The following SHANK2 variants were observed in gnomAD, a reference collection of about 807,000 sequenced individuals.
The protein encoded by SHANK2 is SH3 and multiple ankyrin repeat domains protein 2.
In SHANK2, 43 loss-of-function variants were observed where a neutral mutation model predicts 133.7. The ratio of observed to expected loss-of-function variants is 0.32; its 90% CI spans 0.25 to 0.41. SHANK2 has a LOEUF of 0.41. Among genes scored for constraint, SHANK2 ranks in the 10% least tolerant of loss-of-function variants. The pLI is 1.00. For synonymous variants in SHANK2, 1,017 were observed against 952.8 expected (o/e 1.07, Z -1.24); for missense variants, 1,994 against 2,235.8 (o/e 0.89, Z 2.18).
intron 2 of SHANK2, among the ~76,000 whole-genome samples, chr11:71,211,642 CAAAAAA>C (rs35529960): frequency 3.4e-5 from 4 of 117,986 alleles, no homozygotes; most frequent in South Asian, 2.7e-4. Context: ...TGAGCATTTG[CAAAAAA>C]AAAAAAAAAA....
At chr11:70,843,782 C>T (rs1035505559) in intron 11 of SHANK2, among the ~76,000 whole-genome samples, 5 of 152,052 alleles carry the variant, frequency 3.3e-5, no homozygotes, top group Non-Finnish European at 5.9e-5. Context: ...AGGGCTCAAC[C>T]GATTCTTAGA....
intron 15 of SHANK2, among the ~76,000 whole-genome samples, chr11:70,683,806 CAG>C (rs1555018922): frequency 3.3e-5 from 5 of 150,158 alleles, no homozygotes; most frequent in Admixed American, 2.6e-4. Context: ...TTTTTTCAGA[CAG>C]AGTCTCCCTC....
chr11:70,527,891 C>G lies in SHANK2; in HGVS notation c.2062-24960G>C, dbSNP rs116593292. Among the ~76,000 whole-genome samples the G allele has an allele frequency of 9.9e-3, 1,503 of 152,362 alleles. 24 individuals carry two copies. The highest frequency in any genetic ancestry group is 0.033 in the African/African-American group (1,385 of 41,586). ...CCAGGCAGCCAGACTCCCGCCCATG[C>G]TCCTTCACCGGGCGACCCAGACCTT... On this transcript the variant is annotated intron_variant, in intron 17 of 25. Coordinates refer to ENST00000601538, the MANE Select transcript of SHANK2 (RefSeq NM_012309.5).
intron 9 of SHANK2, among the ~76,000 whole-genome samples, chr11:71,065,253 C>T (rs1282032967): frequency 1.3e-5 from 2 of 150,588 alleles, no homozygotes; most frequent in Admixed American, 6.6e-5. Context: ...GGTCTGTGTG[C>T]AGAACTCTTC....
chr11:71,078,034 A>G lies in SHANK2; in HGVS notation c.913-2759T>C, dbSNP rs944699993. Among the ~76,000 whole-genome samples the G allele has an allele frequency of 4.8e-3, 735 of 152,202 alleles. 6 individuals carry two copies. Among genetic ancestry groups the G allele is most frequent in the Non-Finnish European group, 5.6e-3 (381 of 68,000 alleles). Reference sequence around the variant, plus strand: ...CAGCCCAGCAGCCATCAGCACCCCAAGCACCTGCACCTTGGCTTCTAAATA... The same window carrying G: ...CAGCCCAGCAGCCATCAGCACCCCAGGCACCTGCACCTTGGCTTCTAAATA... On this transcript the variant is annotated intron_variant, in intron 8 of 25. Coordinates refer to ENST00000601538, the MANE Select transcript of SHANK2 (RefSeq NM_012309.5).
At chr11:71,119,935 C>G (rs556999825) in intron 3 of SHANK2, among the ~76,000 whole-genome samples, 5 of 152,110 alleles carry the variant, frequency 3.3e-5, no homozygotes, top group Admixed American at 3.3e-4. Flanking sequence ...ACCACACTGA[C>G]GAGAAAGTTT....
chr11:70,693,705 T>A (rs187446407), intron 15 of SHANK2, among the ~76,000 whole-genome samples: 146 of 152,310 alleles, frequency 9.6e-4, no homozygotes, highest in African/African-American at 3.3e-3. Context: ...CAGATCTTGA[T>A]AAATATTCAT....
chr11:70,771,758 C>T lies in SHANK2; in HGVS notation c.1777+26685G>A, dbSNP rs528696373. 7.1e-4 allele frequency among the ~76,000 whole-genome samples: 108 copies of T among 152,286 alleles called. 3 individuals are homozygous for T. The South Asian group carries it at 0.014, about 20-fold the overall frequency. On this transcript the variant is annotated intron_variant, in intron 14 of 25. Coordinates refer to ENST00000601538, the MANE Select transcript of SHANK2 (RefSeq NM_012309.5). ...CAGCCTGCCCCACTGTGGCCACACA[C>T]GGCCACTGATGGATTTAGGATTTGG...
At chr11:70,792,394 G>GCCAACCAACCAGCCAA (rs1947812739) in intron 14 of SHANK2, among the ~76,000 whole-genome samples, 2 of 144,082 alleles carry the variant, frequency 1.4e-5, no homozygotes, top group Non-Finnish European at 3.0e-5. Flanking sequence ...CAGCCAACCA[G>GCCAACCAACCAGCCAA]CCAACCAACC....
At position 71,175,490 on chromosome 11, in the gene SHANK2, G is replaced by A. The variant is rs989792174; in HGVS notation, c.-12-28152C>T. Among the ~76,000 whole-genome samples the A allele has an allele frequency of 1.3e-5, 2 of 149,988 alleles. No homozygotes were observed. The highest frequency in any genetic ancestry group is 4.0e-4 in the East Asian group (2 of 5,040). Reference sequence around the variant, plus strand: ...AGACCAAGGCTGGTGAAAGAGAAGTGGGGACAAAAAAGGCAGAGGGGCAGA... The same window carrying A: ...AGACCAAGGCTGGTGAAAGAGAAGTAGGGACAAAAAAGGCAGAGGGGCAGA... On this transcript the variant is annotated intron_variant, in intron 2 of 25. Coordinates refer to ENST00000601538, the MANE Select transcript of SHANK2 (RefSeq NM_012309.5). This position sits in a 1 kb window ranked among gnomAD's most constrained non-coding sequence, Gnocchi z 4.2.
intron 3 of SHANK2, 104 bp downstream of exon 3, chr11:71,147,016 C>A: frequency 1.1e-6 from 1 of 941,708 alleles, no homozygotes; most frequent in Non-Finnish European, 1.6e-6. Flanking sequence ...GTGCCCAGAG[C>A]AGTCAGGACC....
chr11:70,753,608 GAAAT>G (rs1946801237), intron 14 of SHANK2, among the ~76,000 whole-genome samples: 1 of 48,040 alleles, frequency 2.1e-5, no homozygotes, highest in Admixed American at 1.9e-4. Context: ...GACTGACAAA[GAAAT>G]AAAGACAGAA....
intron 2 of SHANK2, among the ~76,000 whole-genome samples, chr11:71,213,851 C>T (rs1954340619): frequency 6.6e-6 from 1 of 152,222 alleles, no homozygotes; most frequent in African/African-American, 2.4e-5. Flanking sequence ...GGGAGCCTCG[C>T]AGACACTGGG....
At chr11:70,826,404 C>A in intron 11 of SHANK2, 1 of 469,170 alleles carries the variant, frequency 2.1e-6, no homozygotes, top group Non-Finnish European at 4.4e-6. Flanking sequence ...TCTCCCCCAC[C>A]CCGAGAATCA....
chr11:71,070,086 A>G (rs2135964769), intron 9 of SHANK2, among the ~76,000 whole-genome samples: 1 of 152,194 alleles, frequency 6.6e-6, no homozygotes, highest in East Asian at 1.9e-4. Context: ...CCTGCAGGAC[A>G]AAGGTAGGGG....
intron 13 of SHANK2, among the ~76,000 whole-genome samples, chr11:70,801,533 A>G (rs1555050510): frequency 6.6e-6 from 1 of 152,182 alleles, no homozygotes; most frequent in African/African-American, 2.4e-5. Flanking sequence ...AGTGTTCCTC[A>G]TATGGTGAGG....
chr11:70,595,135 C>T (rs1347697760), intron 17 of SHANK2, among the ~76,000 whole-genome samples: 4 of 152,160 alleles, frequency 2.6e-5, no homozygotes, highest in Non-Finnish European at 5.9e-5. Context: ...CCAAGGCTTG[C>T]TCTCTGCCAG....
chr11:71,229,708 C>A (rs1954706315), intron 1 of SHANK2, among the ~76,000 whole-genome samples: 1 of 144,476 alleles, frequency 6.9e-6, no homozygotes, highest in Non-Finnish European at 1.5e-5. Context: ...TGCAGTGAGC[C>A]AAGACTGCAC....
intron 11 of SHANK2, among the ~76,000 whole-genome samples, chr11:70,871,000 A>G (rs1364995306): frequency 6.6e-6 from 1 of 151,874 alleles, no homozygotes; most frequent in African/African-American, 2.4e-5. Context: ...CTGGTCTCGA[A>G]CTCCTGACTT....
Sources: allele counts gnomAD v4.1 joint callset (sites outside exome capture counted in the v4.1 genomes callset), GRCh38; gene constraint gnomAD v4.1.1; non-coding constraint Gnocchi (gnomAD v3.1); transcripts MANE v1.5; gene names NCBI Gene and HGNC (gene_info 2026-07-23, HGNC 2026-07-21).